The following PPP3CC variants were observed in gnomAD, a reference collection of about 807,000 sequenced individuals.
PPP3CC encodes the protein protein phosphatase 3 catalytic subunit gamma, also known as serine/threonine-protein phosphatase 2B catalytic subunit gamma isoform.
A neutral mutation model predicts 60.3 loss-of-function variants in PPP3CC; 35 were observed. The observed-to-expected ratio is 0.58, with a 90% CI of 0.44 to 0.77. The LOEUF (loss-of-function observed/expected upper bound fraction) is 0.77. Among genes scored for constraint, PPP3CC ranks in the 30% least tolerant of loss-of-function variants. The pLI, the probability that PPP3CC is intolerant of heterozygous loss-of-function variation, is 0.00. For missense variants in PPP3CC, 570 were observed against 628.9 expected (o/e 0.91, Z 1.00); for synonymous variants, 206 against 224.3 (o/e 0.92, Z 0.73).
intron 1 of PPP3CC, among the ~76,000 whole-genome samples, chr8:22,444,770 A>G (rs916165259): frequency 3.3e-5 from 5 of 152,214 alleles, no homozygotes; most frequent in African/African-American, 4.8e-5. Flanking sequence ...AGAGCAGTTT[A>G]TATGCACTGG....
intron 1 of PPP3CC, among the ~76,000 whole-genome samples, chr8:22,455,055 CAA>C (rs5890035): frequency 0.028 from 2,539 of 91,314 alleles, 29 homozygotes; most frequent in East Asian, 0.1. Context: ...GACTCCATCT[CAA>C]AAAAAAAAAA....
intron 2 of PPP3CC, 130 bp from the exon 3 acceptor site, chr8:22,475,368 TAC>T: frequency 9.1e-7 from 1 of 1,102,116 alleles, no homozygotes; most frequent in Non-Finnish European, 1.3e-6. Flanking sequence ...GTAGATTGAC[TAC>T]AGTTTTACAG....
Position 22,447,260 on chromosome 8 carries a change from A to G in PPP3CC, c.49+5802A>G, listed in dbSNP as rs9720906. The stretch of plus-strand genomic sequence containing the variant: ...AGTGGCGCAATCTCGGCTCACTGCA[A>G]GCTCTGCCTCCCGGGTTCATGCCAT... On this transcript the variant is annotated intron_variant, in intron 1 of 13. Transcript: ENST00000240139. 8.7e-3 allele frequency among the ~76,000 whole-genome samples: 1,299 copies of G among 148,906 alleles called. 29 individuals carry two copies. Among genetic ancestry groups the G allele is most frequent in the African/African-American group, 0.031 (1,249 of 40,468 alleles).
rs530435649 is a variant in PPP3CC at position 22,473,506 on chromosome 8, C to G, written c.50-1448C>G. Among the ~76,000 whole-genome samples, 24 of 151,940 alleles carry G rather than the reference C, an allele frequency of 1.6e-4. No individual in the cohort carries two copies. The South Asian group carries it at 5.0e-3, about 32-fold the overall frequency. On this transcript the variant is annotated intron_variant, in intron 1 of 13. Transcript: ENST00000240139. The stretch of plus-strand genomic sequence containing the variant: ...TGAAACGGAGTCTTGCTCTGTCGCC[C>G]AGGCTGAAGTGCAGTGTCACAATCT...
chr8:22,505,290 G>T (rs1838881198), intron 4 of PPP3CC, among the ~76,000 whole-genome samples: 1 of 152,158 alleles, frequency 6.6e-6, no homozygotes, highest in Non-Finnish European at 1.5e-5. Flanking sequence ...CTCCCAAAGT[G>T]CTGGGATTAC....
At chr8:22,479,743 CA>C (rs76119074) in intron 3 of PPP3CC, among the ~76,000 whole-genome samples, 332 of 54,248 alleles carry the variant, frequency 6.1e-3, no homozygotes, top group Middle Eastern at 0.027. Context: ...GACTCTGTCT[CA>C]AAAAAAAAAA....
intron 1 of PPP3CC, among the ~76,000 whole-genome samples, chr8:22,450,161 G>A (rs1244880111): frequency 2.0e-5 from 3 of 152,064 alleles, no homozygotes; most frequent in Non-Finnish European, 4.4e-5. Flanking sequence ...GAGCCACCGC[G>A]CCCGGCTGTG....
intron 4 of PPP3CC, among the ~76,000 whole-genome samples, chr8:22,504,997 A>G (rs1348080243): frequency 2.0e-5 from 3 of 151,148 alleles, no homozygotes; most frequent in African/African-American, 7.3e-5. Context: ...TTTCTAAAGT[A>G]AATGAATTTC....
intron 1 of PPP3CC, among the ~76,000 whole-genome samples, chr8:22,448,243 G>T (rs150175018): frequency 6.6e-6 from 1 of 152,284 alleles, no homozygotes; most frequent in East Asian, 1.9e-4. Flanking sequence ...CTAGATGAAA[G>T]AAGTTGAAAG....
At chr8:22,502,967 C>G (rs937173929) in intron 4 of PPP3CC, among the ~76,000 whole-genome samples, 2 of 152,090 alleles carry the variant, frequency 1.3e-5, no homozygotes, top group Admixed American at 6.6e-5. Context: ...GCCTTAGCCT[C>G]CTAAATAGCT....
intron 4 of PPP3CC, among the ~76,000 whole-genome samples, chr8:22,510,518 C>T (rs28553893): frequency 1.1e-3 from 160 of 152,232 alleles, no homozygotes; most frequent in African/African-American, 3.5e-3. Context: ...AGTTGTCATC[C>T]ATATACTTAA....
Position 22,441,102 on chromosome 8 carries a change from A to C in PPP3CC, c.-308A>C. On this transcript the variant is annotated 5_prime_UTR_variant, in exon 1 of 14. Coordinates refer to ENST00000240139, the MANE Select transcript of PPP3CC (RefSeq NM_005605.5). The stretch of plus-strand genomic sequence containing the variant: ...TGCGTGCACGAGGGCCCGGGCCGCG[A>C]GCAGCCGCGGCCGTCCCGGTCGCCA... The C allele has an allele frequency of 3.8e-6, 1 of 263,276 alleles. No homozygotes were observed. 16.3% of individuals were successfully genotyped at this position (263,276 alleles called of 1,614,324 possible). A position where few individuals can be genotyped will look rare whatever the true frequency, so the allele number is the denominator to read the frequency against.
intron 6 of PPP3CC, among the ~76,000 whole-genome samples, chr8:22,520,594 T>G (rs958736471): frequency 1.3e-5 from 2 of 152,220 alleles, no homozygotes; most frequent in African/African-American, 4.8e-5. Context: ...AGTCTGCTGT[T>G]GAAGCTGTCT....
chr8:22,462,243 T>C (rs1837382924), intron 1 of PPP3CC, among the ~76,000 whole-genome samples: 1 of 152,056 alleles, frequency 6.6e-6, no homozygotes, highest in Non-Finnish European at 1.5e-5. Context: ...ACCCTCTCTC[T>C]TAAAAAGAAA....
chr8:22,503,394 A>G (rs900049839), intron 4 of PPP3CC, among the ~76,000 whole-genome samples: 1 of 152,232 alleles, frequency 6.6e-6, no homozygotes, highest in African/African-American at 2.4e-5. Flanking sequence ...AATACTCGAT[A>G]AAAGCTAATT....
intron 3 of PPP3CC, among the ~76,000 whole-genome samples, chr8:22,488,025 G>T (rs1239148358): frequency 6.6e-6 from 1 of 152,110 alleles, no homozygotes; most frequent in African/African-American, 2.4e-5. Context: ...GAAATTAGAG[G>T]CCAAGAAGCA....
intron 1 of PPP3CC, among the ~76,000 whole-genome samples, chr8:22,467,717 G>A (rs1393749898): frequency 6.6e-6 from 1 of 152,052 alleles, no homozygotes; most frequent in African/African-American, 2.4e-5. Flanking sequence ...GTGAGCCACC[G>A]CCCCCGGCCT....
At chr8:22,534,495 T>C (rs2461486) in intron 12 of PPP3CC, among the ~76,000 whole-genome samples, 73,782 of 151,872 alleles carry the variant, frequency 0.49, 18,046 homozygotes, top group East Asian at 0.61. Context: ...GGTATGTTGC[T>C]AAAGGGCTTG....
intron 4 of PPP3CC, among the ~76,000 whole-genome samples, chr8:22,510,540 T>TGCC (rs1329541873): frequency 2.6e-5 from 4 of 152,230 alleles, no homozygotes; most frequent in Non-Finnish European, 5.9e-5. Context: ...AGGATATAGG[T>TGCC]CAGGAAGGGC....
Sources: allele counts gnomAD v4.1 joint callset (sites outside exome capture counted in the v4.1 genomes callset), GRCh38; gene constraint gnomAD v4.1.1; transcripts MANE v1.5; gene names NCBI Gene and HGNC (gene_info 2026-07-23, HGNC 2026-07-21).